TNNI3K: variants seen among roughly 807,000 people sequenced by gnomAD.
The protein encoded by TNNI3K is serine/threonine-protein kinase TNNI3K.
TNNI3K carries 140 observed loss-of-function variants against 114.5 expected under a neutral mutation model. The observed-to-expected ratio is 1.22, with a 90% confidence interval of 1.07 to 1.41. The LOEUF (loss-of-function observed/expected upper bound fraction) is 1.41. Ranked by LOEUF, TNNI3K falls within the 40% of genes most tolerant of loss-of-function variation. The pLI is 0.00. For synonymous variants in TNNI3K, 347 were observed against 347.5 expected (o/e 1.00, Z 0.02); for missense variants, 1,125 against 1,007.6 (o/e 1.12, Z -1.58).
intron 23 of TNNI3K, 118 bp downstream of exon 23, chr1:74,492,384 G>A: frequency 7.8e-7 from 1 of 1,278,342 alleles, no homozygotes. Context: ...AACTTTGAAA[G>A]AGGAGTTTTC....
At chr1:74,348,798 G>T (rs1257516086) in intron 9 of TNNI3K, among the ~76,000 whole-genome samples, 1 of 152,042 alleles carries the variant, frequency 6.6e-6, no homozygotes, top group African/African-American at 2.4e-5. Context: ...CTCTCTGTTT[G>T]TCTGTTATTG....
At chr1:74,514,766 G>A (rs1039060791) in intron 23 of TNNI3K, among the ~76,000 whole-genome samples, 1 of 152,118 alleles carries the variant, frequency 6.6e-6, no homozygotes, top group Non-Finnish European at 1.5e-5. Context: ...TGGTAAAAAT[G>A]TGAAGGGGTA....
At chr1:74,533,051 CA>C (rs1402965267) in intron 23 of TNNI3K, among the ~76,000 whole-genome samples, 2 of 152,082 alleles carry the variant, frequency 1.3e-5, no homozygotes, top group Non-Finnish European at 2.9e-5. Context: ...CAACAAAAGC[CA>C]AAATTGACAA....
At chr1:74,436,656 T>C in intron 19 of TNNI3K, 130 bp downstream of exon 19, 2 of 886,142 alleles carry the variant, frequency 2.3e-6, no homozygotes, top group Non-Finnish European at 3.2e-6. Flanking sequence ...GATAATGGCT[T>C]ATGTCTTTAT....
At chr1:74,255,839 C>G (rs1393554671) in intron 4 of TNNI3K, among the ~76,000 whole-genome samples, 1 of 152,086 alleles carries the variant, frequency 6.6e-6, no homozygotes, top group Non-Finnish European at 1.5e-5. Flanking sequence ...CTATAGTTTT[C>G]TCTTTTCTAG....
At position 74,433,306 on chromosome 1, in the gene TNNI3K, T is replaced by G. The variant is rs182142119; in HGVS notation, c.1773-2774T>G. Among the ~76,000 whole-genome samples the G allele has an allele frequency of 7.9e-3, 1,209 of 152,184 alleles. 58 individuals carry two copies. The highest frequency in any genetic ancestry group is 0.071 in the Admixed American group (1,088 of 15,268). ...TGATTTTAAAGGCTTTGACTCTGGG[T>G]GTGATGCCCACTGAAGCTGTCACTG... On this transcript the variant is annotated intron_variant, in intron 17 of 24. Transcript: ENST00000326637.
chr1:74,338,494 A>G (rs1304251587), intron 7 of TNNI3K, among the ~76,000 whole-genome samples: 1 of 152,008 alleles, frequency 6.6e-6, no homozygotes, highest in African/African-American at 2.4e-5. Flanking sequence ...GGCATATCCA[A>G]CATTCTTCCA....
chr1:74,314,039 A>C (rs1037531944), intron 5 of TNNI3K, among the ~76,000 whole-genome samples: 19 of 138,604 alleles, frequency 1.4e-4, no homozygotes, highest in African/African-American at 5.2e-4. Context: ...GACAGGAGAA[A>C]GTTCATTATA....
At chr1:74,352,316 C>T (rs1045305175) in intron 9 of TNNI3K, among the ~76,000 whole-genome samples, 3 of 152,024 alleles carry the variant, frequency 2.0e-5, no homozygotes, top group Admixed American at 6.6e-5. Context: ...GCTGCCTGAT[C>T]GTTCCTCTGG....
intron 2 of TNNI3K, among the ~76,000 whole-genome samples, chr1:74,247,475 A>G (rs919329712): frequency 6.6e-6 from 1 of 152,172 alleles, no homozygotes; most frequent in African/African-American, 2.4e-5. Flanking sequence ...ATGAAAGGGG[A>G]CACAAGCAAG....
At chr1:74,364,298 A>C (rs1039826494) in intron 11 of TNNI3K, among the ~76,000 whole-genome samples, 19 of 152,004 alleles carry the variant, frequency 1.2e-4, no homozygotes, top group Middle Eastern at 6.8e-3. Context: ...ACACTCAGCC[A>C]AATTTTAATT....
chr1:74,273,003 C>T (rs74548713), intron 5 of TNNI3K, among the ~76,000 whole-genome samples: 2 of 120,884 alleles, frequency 1.7e-5, no homozygotes, highest in East Asian at 4.9e-4. Flanking sequence ...TAGTTATGTT[C>T]CCCCTTTTAG....
intron 21 of TNNI3K, among the ~76,000 whole-genome samples, chr1:74,481,466 G>A (rs746415558): frequency 2.6e-5 from 4 of 152,182 alleles, no homozygotes; most frequent in Non-Finnish European, 5.9e-5. Flanking sequence ...GTTGGGATGG[G>A]GAGAGTGAGA....
At chr1:74,433,685 T>A (rs1476616255) in intron 17 of TNNI3K, among the ~76,000 whole-genome samples, 1 of 152,078 alleles carries the variant, frequency 6.6e-6, no homozygotes, top group Non-Finnish European at 1.5e-5. Flanking sequence ...TTTGTTTGAC[T>A]TGTTACTGTT....
At chr1:74,236,901 A>G (rs987222050) in intron 2 of TNNI3K, among the ~76,000 whole-genome samples, 9 of 151,862 alleles carry the variant, frequency 5.9e-5, no homozygotes, top group Non-Finnish European at 1.3e-4. Context: ...GGGTCAAGAA[A>G]GTTACCTGCC....
chr1:74,239,516 T>C (rs1252595012), intron 2 of TNNI3K, among the ~76,000 whole-genome samples: 1 of 152,150 alleles, frequency 6.6e-6, no homozygotes, highest in African/African-American at 2.4e-5. Context: ...TATGTTATGT[T>C]GCCTGACATC....
intron 4 of TNNI3K, among the ~76,000 whole-genome samples, chr1:74,253,299 G>T (rs1336662114): frequency 4.6e-5 from 7 of 152,204 alleles, no homozygotes; most frequent in Admixed American, 3.9e-4. Flanking sequence ...CACAGGGGCC[G>T]CAGGTGGAGC....
chr1:74,253,445 G>GA (rs1655073803), intron 4 of TNNI3K, among the ~76,000 whole-genome samples: 1 of 152,144 alleles, frequency 6.6e-6, no homozygotes, highest in Admixed American at 6.5e-5. Context: ...GGGTCGGGGG[G>GA]AAGCTCAGGC....
chr1:74,326,858 A>G (rs1231003816), intron 5 of TNNI3K, among the ~76,000 whole-genome samples: 2 of 152,158 alleles, frequency 1.3e-5, no homozygotes, highest in Admixed American at 1.3e-4. Flanking sequence ...TGGGAGGCCA[A>G]GGTGGGCGGA....
Sources: allele counts gnomAD v4.1 joint callset (sites outside exome capture counted in the v4.1 genomes callset), GRCh38; gene constraint gnomAD v4.1.1; transcripts MANE v1.5; gene names NCBI Gene and HGNC (gene_info 2026-07-23, HGNC 2026-07-21).